The following CAMTA1 variants were observed in gnomAD, a reference collection of about 807,000 sequenced individuals.
CAMTA1 encodes the protein calmodulin binding transcription activator 1.
A neutral mutation model predicts 170.9 loss-of-function variants in CAMTA1; 27 were observed. The observed-to-expected ratio is 0.16, with a 90% CI of 0.12 to 0.22. The LOEUF (loss-of-function observed/expected upper bound fraction) is 0.22, where lower values mean the gene tolerates loss of function less well. Ranked by LOEUF, CAMTA1 falls within the 10% of genes least tolerant of loss-of-function variation. The pLI, the probability that CAMTA1 is intolerant of heterozygous loss-of-function variation, is 1.00. For synonymous variants in CAMTA1, 833 were observed against 891.5 expected (o/e 0.93, Z 1.17); for missense variants, 1,619 against 2,217.2 (o/e 0.73, Z 5.42).
At chr1:7,182,367 C>G (rs563265822) in intron 4 of CAMTA1, among the ~76,000 whole-genome samples, 1 of 151,870 alleles carries the variant, frequency 6.6e-6, no homozygotes, top group African/African-American at 2.4e-5. Context: ...ATGGCAAAAC[C>G]CTGTCTCTAC....
chr1:6,787,971 A>G (rs1168192473), intron 1 of CAMTA1, among the ~76,000 whole-genome samples: 1 of 152,202 alleles, frequency 6.6e-6, no homozygotes, highest in Non-Finnish European at 1.5e-5. Flanking sequence ...GACCGTAAAT[A>G]TGTCCCTTTT....
At chr1:7,737,033 C>A in intron 14 of CAMTA1, 24 bp downstream of exon 14, 1 of 1,565,034 alleles carries the variant, frequency 6.4e-7, no homozygotes, top group Non-Finnish European at 8.8e-7. Flanking sequence ...TCCTGTAGCC[C>A]CCCCTTGCTG....
At chr1:7,649,575 T>G (rs2095834738) in intron 7 of CAMTA1, among the ~76,000 whole-genome samples, 1 of 74,488 alleles carries the variant, frequency 1.3e-5, no homozygotes, top group South Asian at 4.5e-4. Context: ...GTGTGGGGCT[T>G]CCTTCCTACT....
intron 3 of CAMTA1, among the ~76,000 whole-genome samples, chr1:6,877,502 C>T (rs1026085816): frequency 5.3e-5 from 8 of 152,128 alleles, no homozygotes; most frequent in East Asian, 1.9e-4. Flanking sequence ...TATTGCTGCA[C>T]GATCAGGAAA....
chr1:7,632,389 A>G (rs2095676703), intron 6 of CAMTA1, among the ~76,000 whole-genome samples: 1 of 152,136 alleles, frequency 6.6e-6, no homozygotes, highest in Non-Finnish European at 1.5e-5. Context: ...CATTTTCACT[A>G]TCACACGGCC....
chr1:6,829,045 T>C (rs892098414), intron 3 of CAMTA1, among the ~76,000 whole-genome samples: 8 of 151,930 alleles, frequency 5.3e-5, no homozygotes, highest in Non-Finnish European at 1.0e-4. Context: ...TACAGGCATG[T>C]GCCACCACAC....
intron 5 of CAMTA1, among the ~76,000 whole-genome samples, chr1:7,449,081 T>G (rs2092749052): frequency 6.6e-6 from 1 of 152,216 alleles, no homozygotes; most frequent in Admixed American, 6.5e-5. Context: ...TGGGGGCCAC[T>G]GCCGAGCAGG....
At chr1:7,084,557 G>A (rs1640462678) in intron 3 of CAMTA1, among the ~76,000 whole-genome samples, 1 of 152,210 alleles carries the variant, frequency 6.6e-6, no homozygotes, top group Non-Finnish European at 1.5e-5. Context: ...CACTGGAGGG[G>A]ACACGGCTCG....
At chr1:7,544,417 T>C (rs1220157282) in intron 6 of CAMTA1, among the ~76,000 whole-genome samples, 1 of 152,068 alleles carries the variant, frequency 6.6e-6, no homozygotes, top group Non-Finnish European at 1.5e-5. Context: ...ACCACATCAG[T>C]TGGGGAAGAC....
chr1:7,618,983 A>T (rs2095578591), intron 6 of CAMTA1, among the ~76,000 whole-genome samples: 1 of 152,146 alleles, frequency 6.6e-6, no homozygotes, highest in South Asian at 2.1e-4. Context: ...TTCACATTTG[A>T]CCAAAAAATT....
At chr1:6,949,551 A>G (rs1380343445) in intron 3 of CAMTA1, among the ~76,000 whole-genome samples, 1 of 152,214 alleles carries the variant, frequency 6.6e-6, no homozygotes, top group East Asian at 1.9e-4. Context: ...AGTGCTCTAG[A>G]AAGGCTGCTG....
intron 6 of CAMTA1, among the ~76,000 whole-genome samples, chr1:7,626,551 G>A (rs2095634926): frequency 6.6e-6 from 1 of 152,176 alleles, no homozygotes; most frequent in African/African-American, 2.4e-5. Context: ...TGCCACTTGT[G>A]GTGAACAGCA....
At chr1:7,341,480 G>A (rs1280082638) in intron 5 of CAMTA1, among the ~76,000 whole-genome samples, 1 of 152,228 alleles carries the variant, frequency 6.6e-6, no homozygotes, top group Non-Finnish European at 1.5e-5. Context: ...AACAAAGTAG[G>A]TGCGAGATTG....
rs1673710989 is a variant in CAMTA1 at position 7,294,963 on chromosome 1, T to C, written c.438+45337T>C. Among the ~76,000 whole-genome samples, 3 of 152,348 alleles carry C rather than the reference T, an allele frequency of 2.0e-5. No homozygotes were observed. The South Asian group carries it at 6.2e-4, about 32-fold the overall frequency. Reference sequence around the variant, plus strand: ...GGTCTGGTCTCCAAGATCGTTCTGATGTGGACTTTCCTCCTTGTCTATGCT... The same window carrying C: ...GGTCTGGTCTCCAAGATCGTTCTGACGTGGACTTTCCTCCTTGTCTATGCT... On this transcript the variant is annotated intron_variant, in intron 5 of 22. Coordinates refer to ENST00000303635, the MANE Select transcript of CAMTA1 (RefSeq NM_015215.4).
At chr1:7,145,245 C>T (rs1487120878) in intron 4 of CAMTA1, among the ~76,000 whole-genome samples, 1 of 152,238 alleles carries the variant, frequency 6.6e-6, no homozygotes, top group Non-Finnish European at 1.5e-5. Flanking sequence ...TCTTTCCGCA[C>T]CGCTCCTCTG....
rs1232160477 is a variant in CAMTA1, at chr1:7,664,002, C to T, written c.1455C>T (p.Pro485=). The T allele has an allele frequency of 1.4e-5, 23 of 1,613,832 alleles. No homozygotes were observed. The highest frequency in any genetic ancestry group is 8.0e-5 in the African/African-American group (6 of 74,944). ...KIPETTMNFD[P]DCFLNNPKQG... is the part of the protein sequence containing the mutation. ...CAGAAACCACCATGAACTTTGACCCCGACTGTTTCCTTAATAACCCAAAGC... is the reference window on the plus strand; with the variant it reads ...CAGAAACCACCATGAACTTTGACCCTGACTGTTTCCTTAATAACCCAAAGC... Residue 485 remains proline, a synonymous_variant, in exon 9 of 23, where the codon CCC becomes CCT. Coordinates refer to ENST00000303635, the MANE Select transcript of CAMTA1 (RefSeq NM_015215.4).
chr1:7,490,329 C>T (rs2093683356), intron 6 of CAMTA1, among the ~76,000 whole-genome samples: 1 of 152,122 alleles, frequency 6.6e-6, no homozygotes, highest in Admixed American at 6.6e-5. Flanking sequence ...AACAGTGAGC[C>T]CTCCATAAAG....
intron 7 of CAMTA1, among the ~76,000 whole-genome samples, chr1:7,655,702 TAC>T (rs1451858991): frequency 3.3e-5 from 5 of 151,590 alleles, no homozygotes; most frequent in African/African-American, 1.2e-4. Flanking sequence ...CACACACCTA[TAC>T]ACACATCTAT....
intron 3 of CAMTA1, among the ~76,000 whole-genome samples, chr1:6,938,071 A>T (rs1685761991): frequency 6.6e-6 from 1 of 152,234 alleles, no homozygotes; most frequent in African/African-American, 2.4e-5. Context: ...TAGGACTTGA[A>T]GCCAGGACTT....
Sources: allele counts gnomAD v4.1 joint callset (sites outside exome capture counted in the v4.1 genomes callset), GRCh38; gene constraint gnomAD v4.1.1; transcripts MANE v1.5; gene names NCBI Gene and HGNC (gene_info 2026-07-23, HGNC 2026-07-21).